Variants in GRIK5 observed in about 807,000 individuals in gnomAD.
GRIK5 encodes the protein glutamate receptor ionotropic, kainate 5.
A neutral mutation model predicts 97.4 loss-of-function variants in GRIK5; 43 were observed. That is an observed-to-expected ratio of 0.44 (90% confidence interval 0.35 to 0.57). GRIK5 has a LOEUF of 0.57. Among genes scored for constraint, GRIK5 ranks in the 20% least tolerant of loss-of-function variants. The pLI is 0.01. For missense variants in GRIK5, 1,015 were observed against 1,382.0 expected, an observed-to-expected ratio of 0.73 and a Z score of 4.21; for synonymous variants, 580 against 583.5, an observed-to-expected ratio of 0.99 and a Z score of 0.09.
rs150086654 is a variant in GRIK5, at chr19:42,023,670, C to T, written c.1474-1316G>A. The stretch of plus-strand genomic sequence containing the variant: ...CTCACTCATTCCTGGGGCCATGCCT[C>T]GGGCCAGACACCTGCCTCTTGCTGG... On this transcript the variant is annotated intron_variant, in intron 12 of 19. Transcript: ENST00000593562. 2.1e-3 allele frequency among the ~76,000 whole-genome samples: 326 copies of T among 152,312 alleles called. 1 individual carries two copies. The highest frequency in any genetic ancestry group is 3.8e-3 in the Non-Finnish European group (261 of 68,022).
At position 42,003,483 on chromosome 19, in the gene GRIK5, G is replaced by T. The variant is rs1568878516; in HGVS notation, c.2393-30C>A. Reference sequence around the variant, plus strand: ...AGGGCGAAGGGAGTTGGGGGGCAAAGGGAGTTGGGGCTGTGTGGGAAGGGG... The same window carrying T: ...AGGGCGAAGGGAGTTGGGGGGCAAATGGAGTTGGGGCTGTGTGGGAAGGGG... On this transcript the variant is annotated intron_variant, in intron 18 of 19. Transcript: ENST00000593562. The surrounding 1 kb of genome is among the most constrained non-coding windows in gnomAD (Gnocchi z 4.2). The T allele has an allele frequency of 1.2e-6, 2 of 1,612,800 alleles. No individual in the cohort carries two copies. The highest frequency in any genetic ancestry group is 1.7e-6 in the Non-Finnish European group (2 of 1,179,090).
chr19:42,062,870 G>A lies in GRIK5; in HGVS notation c.245-15C>T, dbSNP rs764318674. ...GATCTGACACACTGCGTGGGAAGGG[G>A]AAGAGACCGCAGAGTCAGGGACCCC... On this transcript the variant is annotated splice_polypyrimidine_tract_variant and intron_variant, in intron 3 of 19. Transcript: ENST00000593562. This position sits in a 1 kb window ranked among gnomAD's most constrained non-coding sequence, Gnocchi z 5.3. 1.9e-6 allele frequency: 3 copies of A among 1,594,098 alleles called. No homozygotes were observed. Among genetic ancestry groups the A allele is most frequent in the Admixed American group, 3.3e-5 (2 of 60,004 alleles).
chr19:42,056,828 G>A lies in GRIK5; in HGVS notation c.742-5C>T, dbSNP rs1212119438. 5 of 1,614,094 alleles carry A rather than the reference G, an allele frequency of 3.1e-6. No individual in the cohort carries two copies. Among genetic ancestry groups the A allele is most frequent in the Non-Finnish European group, 4.2e-6 (5 of 1,179,962 alleles). On this transcript the variant is annotated splice_region_variant and splice_polypyrimidine_tract_variant and intron_variant, in intron 7 of 19. Coordinates refer to ENST00000593562, the MANE Select transcript of GRIK5 (RefSeq NM_002088.5). ...CAGATGCAGGATGGGGAAGTCCTGG[G>A]ACCAGGAAGAGGTGGTGAGGCCTGG... is the stretch of plus-strand genomic sequence containing the variant.
chr19:42,060,633 C>T (rs567384329), intron 5 of GRIK5, among the ~76,000 whole-genome samples: 1 of 151,542 alleles, frequency 6.6e-6, no homozygotes, highest in South Asian at 2.1e-4. Context: ...CCATCACTCA[C>T]TCTCTGGGCT....
At chr19:42,066,187 C>A (rs1229245582) in intron 1 of GRIK5, among the ~76,000 whole-genome samples, 3 of 152,008 alleles carry the variant, frequency 2.0e-5, no homozygotes, top group African/African-American at 7.3e-5. Context: ...CCACCCCCCA[C>A]CCAGTCCCGC....
chr19:42,056,967 C>T lies in GRIK5; in HGVS notation c.699G>A (p.Leu233=), dbSNP rs1156849576. ...ACTTGTAAAACGCTGAGGTCATTCC[C>T]AGTTCCGAGGCCTGGAAAACACAGG... ...SHLILRKASE[L]GMTSAFYKYI... Residue 233 remains leucine, a synonymous_variant, in exon 7 of 20, where the codon CTG becomes CTA. Coordinates refer to ENST00000593562, the MANE Select transcript of GRIK5 (RefSeq NM_002088.5). 2 of 1,556,712 alleles carry T rather than the reference C, an allele frequency of 1.3e-6. No homozygotes were observed. Among genetic ancestry groups the T allele is most frequent in the Admixed American group, 3.9e-5 (2 of 51,274 alleles).
intron 15 of GRIK5, among the ~76,000 whole-genome samples, chr19:42,013,400 T>C (rs1394745744): frequency 2.7e-5 from 4 of 149,848 alleles, no homozygotes; most frequent in Non-Finnish European, 5.9e-5. Flanking sequence ...TTTTTCTTTT[T>C]TTCTTTTCTT....
rs1254538518 is a variant in GRIK5 at position 42,069,760 on chromosome 19, TC to T, written c.-571del. Among the ~76,000 whole-genome samples, 1 of 149,526 alleles carries T rather than the reference TC, an allele frequency of 6.7e-6. No homozygotes were observed. Among genetic ancestry groups the T allele is most frequent in the Non-Finnish European group, 1.5e-5 (1 of 67,336 alleles). On this transcript the variant is annotated 5_prime_UTR_variant, in exon 1 of 20. Transcript: ENST00000593562. Reference sequence around the variant, plus strand: ...GGGAGGGGGCCGCCCCCTTTCCCCCTCCCCCCTGGAGCCTGGGCCCTGCCCT... The same window carrying T: ...GGGAGGGGGCCGCCCCCTTTCCCCCTCCCCCTGGAGCCTGGGCCCTGCCCT...
chr19:42,014,893 T>C (rs1568888793), intron 15 of GRIK5, among the ~76,000 whole-genome samples: 1 of 152,096 alleles, frequency 6.6e-6, no homozygotes, highest in African/African-American at 2.4e-5. Flanking sequence ...TATCTCTATT[T>C]AAAAGAAAAG....
At chr19:42,055,479 T>G (rs1402301977) in intron 8 of GRIK5, among the ~76,000 whole-genome samples, 1 of 152,202 alleles carries the variant, frequency 6.6e-6, no homozygotes, top group Non-Finnish European at 1.5e-5. Flanking sequence ...AGACACCTGT[T>G]ATGAGCTAGG....
In GRIK5 at chr19:42,054,338, G is replaced by A; in HGVS notation, c.1038C>T (p.Leu346=). ...GGCTCACCATGCGCAGGTAGTTCAT[G>A]AGGCTGGTCCCGTGGGGCCAAATGT... ...SANIWPHGTS[L]MNYLRMVEYD... The change falls in exon 9 of 20, where the codon CTC becomes CTT. Residue 346 remains leucine, a synonymous_variant. Transcript: ENST00000593562. 1 of 1,611,820 alleles carries A rather than the reference G, an allele frequency of 6.2e-7. No individual in the cohort carries two copies. The highest frequency in any genetic ancestry group is 8.5e-7 in the Non-Finnish European group (1 of 1,178,896).
Position 42,002,054 on chromosome 19 carries a change from G to A in GRIK5, c.2514+1278C>T. The A allele has an allele frequency of 6.0e-6, 4 of 670,230 alleles. No individual in the cohort carries two copies. The highest frequency in any genetic ancestry group is 8.3e-6 in the Non-Finnish European group (3 of 362,518). 41.5% of individuals were successfully genotyped at this position (670,230 alleles called of 1,614,324 possible). A position where few individuals can be genotyped will look rare whatever the true frequency, so the allele number is the denominator to read the frequency against. On this transcript the variant is annotated intron_variant, in intron 19 of 19. Coordinates refer to ENST00000593562, the MANE Select transcript of GRIK5 (RefSeq NM_002088.5). The surrounding 1 kb of genome is among the most constrained non-coding windows in gnomAD (Gnocchi z 5.2). ...GAAGAAGGGGCTTTGAGGATTGAGA[G>A]TGACTGGCTGTGCCGAAGCCCACTG...
rs2075410290 is a variant in GRIK5, at chr19:41,999,818, G to A, written c.2515-519C>T. The stretch of plus-strand genomic sequence containing the variant: ...ACATGTATGTAGTGTGTTAGGCGTG[G>A]TGAGTGCTTTGGAAAGAAAGAAAAT... On this transcript the variant is annotated intron_variant, in intron 19 of 19. Transcript: ENST00000593562. This position sits in a 1 kb window ranked among gnomAD's most constrained non-coding sequence, Gnocchi z 5.0. 6.6e-6 allele frequency among the ~76,000 whole-genome samples: 1 copy of A among 152,258 alleles called. No homozygotes were observed. The highest frequency in any genetic ancestry group is 1.5e-5 in the Non-Finnish European group (1 of 68,044).
intron 15 of GRIK5, among the ~76,000 whole-genome samples, chr19:42,017,196 C>T (rs2075635360): frequency 1.3e-5 from 2 of 152,202 alleles, no homozygotes; most frequent in Admixed American, 6.5e-5. Context: ...TCAACTATTT[C>T]GATGTGTCAG....
At position 42,042,811 on chromosome 19, in the gene GRIK5, C is replaced by G. The variant is rs1050098684; in HGVS notation, c.1270-56G>C. On this transcript the variant is annotated intron_variant, in intron 11 of 19. Transcript: ENST00000593562. This position sits in a 1 kb window ranked among gnomAD's most constrained non-coding sequence, Gnocchi z 6.9. ...GGCTGGGTGTCTAGTGGCTGGGTTG[C>G]GGATCCTGGAGCCCGGACCAGGCAG... 4.2e-6 allele frequency: 6 copies of G among 1,425,724 alleles called. No individual in the cohort carries two copies. Among genetic ancestry groups the G allele is most frequent in the African/African-American group, 4.2e-5 (3 of 71,432 alleles). The allele number at this position is 1,425,724 out of a possible 1,614,324, so 88.3% of individuals were successfully genotyped here. A position where few individuals can be genotyped will look rare whatever the true frequency, so the allele number is the denominator to read the frequency against.
At chr19:42,068,659 G>C (rs2076376169) in intron 1 of GRIK5, 1 of 430,500 alleles carries the variant, frequency 2.3e-6, no homozygotes, top group Middle Eastern at 3.1e-4. Flanking sequence ...GACTTGGAAA[G>C]AGGGAAGCCA....
chr19:42,058,029 C>T (rs1031902576), intron 6 of GRIK5, among the ~76,000 whole-genome samples: 8 of 152,154 alleles, frequency 5.3e-5, no homozygotes, highest in Non-Finnish European at 8.8e-5. Context: ...ACTGTTCACA[C>T]GGCTGGCACG....
At chr19:42,038,750 T>C (rs148652058) in intron 12 of GRIK5, among the ~76,000 whole-genome samples, 31 of 152,362 alleles carry the variant, frequency 2.0e-4, no homozygotes, top group African/African-American at 7.5e-4. Context: ...GAAAATTATG[T>C]TAAGTAACAC....
In GRIK5 at chr19:42,022,237, A is replaced by G; in HGVS notation, c.1587+4T>C. ...GCAGCCCATGGTCTCCAGGGGAACC[A>G]TACCATGTGCACTCGGTAGAGGATG... On this transcript the variant is annotated splice_donor_region_variant and intron_variant, in intron 13 of 19. Transcript: ENST00000593562. This position sits in a 1 kb window ranked among gnomAD's most constrained non-coding sequence, Gnocchi z 4.2. 1 of 1,600,676 alleles carries G rather than the reference A, an allele frequency of 6.2e-7. No homozygotes were observed. The highest frequency in any genetic ancestry group is 8.6e-7 in the Non-Finnish European group (1 of 1,167,696).
Sources: allele counts gnomAD v4.1 joint callset (sites outside exome capture counted in the v4.1 genomes callset), GRCh38; gene constraint gnomAD v4.1.1; non-coding constraint Gnocchi (gnomAD v3.1); transcripts MANE v1.5; gene names NCBI Gene and HGNC (gene_info 2026-07-23, HGNC 2026-07-21).